The following AGGF1 variants were observed in gnomAD, a reference collection of about 807,000 sequenced individuals.
AGGF1 encodes angiogenic factor with G-patch and FHA domains 1.
Under a neutral mutation model 86.5 loss-of-function variants are expected in AGGF1, and 56 were observed. That is an observed-to-expected ratio of 0.65 (90% CI 0.52 to 0.81). AGGF1 has a LOEUF of 0.81. AGGF1 is among the 30% of genes least tolerant of loss of function. The probability of loss-of-function intolerance (pLI) is 0.00; values close to 1 mark genes in which losing one functional copy is unlikely to be tolerated. For synonymous variants in AGGF1, 313 were observed against 297.1 expected, an observed-to-expected ratio of 1.05 and a Z score of -0.55; for missense variants, 816 against 850.9, an observed-to-expected ratio of 0.96 and a Z score of 0.51.
chr5:77,048,793 A>T, intron 7 of AGGF1, 143 bp from the exon 8 acceptor site: 1 of 787,936 alleles, frequency 1.3e-6, no homozygotes, highest in Non-Finnish European at 2.1e-6. Flanking sequence ...GAGTAGCAGT[A>T]AGGAAACTGG....
At chr5:77,036,826 C>A (rs948993214) in intron 4 of AGGF1, 106 bp downstream of exon 4, 1 of 1,256,100 alleles carries the variant, frequency 8.0e-7, no homozygotes, top group Non-Finnish European at 1.1e-6. Flanking sequence ...CAACTTTCAC[C>A]CCCCAGGTTC....
chr5:77,032,707 T>C (rs1746893946), intron 1 of AGGF1, among the ~76,000 whole-genome samples: 2 of 152,206 alleles, frequency 1.3e-5, no homozygotes, highest in Admixed American at 1.3e-4. Context: ...AAAACGTTTT[T>C]TGCTAATCTT....
intron 5 of AGGF1, among the ~76,000 whole-genome samples, chr5:77,041,718 C>T (rs956533214): frequency 7.3e-5 from 11 of 151,334 alleles, no homozygotes; most frequent in East Asian, 3.9e-4. Flanking sequence ...GGTCCAGCCT[C>T]GCTCCCATAA....
intron 1 of AGGF1, among the ~76,000 whole-genome samples, chr5:77,031,543 A>C (rs1449203742): frequency 6.6e-6 from 1 of 152,232 alleles, no homozygotes; most frequent in East Asian, 1.9e-4. Context: ...GACGTTAAGC[A>C]GCTTATTTCG....
At chr5:77,044,356 T>C (rs1270775602) in intron 5 of AGGF1, among the ~76,000 whole-genome samples, 1 of 152,230 alleles carries the variant, frequency 6.6e-6, no homozygotes, top group Admixed American at 6.5e-5. Flanking sequence ...CTGAGGATTC[T>C]AAAAGGTACC....
chr5:77,060,767 A>G (rs1747548180), intron 12 of AGGF1, among the ~76,000 whole-genome samples: 1 of 152,212 alleles, frequency 6.6e-6, no homozygotes, highest in Non-Finnish European at 1.5e-5. Context: ...TTGATCCATT[A>G]CCAACATTTT....
intron 2 of AGGF1, 88 bp from the exon 3 acceptor site, chr5:77,035,453 G>T: frequency 1.0e-6 from 1 of 957,856 alleles, no homozygotes; most frequent in Admixed American, 2.4e-5. Context: ...TGTGCTTTTT[G>T]TGTTTAAATG....
At chr5:77,041,963 T>C (rs1050944207) in intron 5 of AGGF1, among the ~76,000 whole-genome samples, 2 of 150,770 alleles carry the variant, frequency 1.3e-5, no homozygotes, top group Non-Finnish European at 3.0e-5. Flanking sequence ...CCTGCGGCCT[T>C]CCGCAGTGTT....
chr5:77,041,006 G>C (rs574548952), intron 5 of AGGF1, among the ~76,000 whole-genome samples: 3 of 152,296 alleles, frequency 2.0e-5, no homozygotes, highest in African/African-American at 7.2e-5. Flanking sequence ...GGGATTATAG[G>C]CGTGAGCCAC....
intron 13 of AGGF1, 25 bp downstream of exon 13, chr5:77,061,827 C>G (rs1333704180): frequency 6.3e-7 from 1 of 1,587,114 alleles, no homozygotes. Flanking sequence ...TTCTTTTATT[C>G]ATTTATTCCT....
chr5:77,041,880 T>C (rs1352275166), intron 5 of AGGF1, among the ~76,000 whole-genome samples: 1 of 148,878 alleles, frequency 6.7e-6, no homozygotes, highest in Admixed American at 6.7e-5. Flanking sequence ...GGCAGGGTCA[T>C]GGGACAATAG....
In AGGF1 at chr5:77,065,113, A is replaced by G. The variant is rs902359857; in HGVS notation, c.*1861A>G. 6.6e-6 allele frequency: 1 copy of G among 152,210 alleles called. No individual in the cohort carries two copies. The highest frequency in any genetic ancestry group is 1.5e-5 in the Non-Finnish European group (1 of 68,026). 9.4% of individuals were successfully genotyped at this position (152,210 alleles called of 1,614,324 possible). A position where few individuals can be genotyped will look rare whatever the true frequency, so the allele number is the denominator to read the frequency against. Reference sequence around the variant, plus strand: ...TCATGAATAGCAAATGAGAAAATGTATATAAAAGCACTTTGTAAATTGTAA... The same window carrying G: ...TCATGAATAGCAAATGAGAAAATGTGTATAAAAGCACTTTGTAAATTGTAA... On this transcript the variant is annotated 3_prime_UTR_variant, in exon 14 of 14. Transcript: ENST00000312916.
At chr5:77,060,203 T>C (rs887641032) in intron 12 of AGGF1, among the ~76,000 whole-genome samples, 1 of 152,198 alleles carries the variant, frequency 6.6e-6, no homozygotes, top group Non-Finnish European at 1.5e-5. Context: ...CTATTTATAC[T>C]TTCCACTAAT....
chr5:77,049,238 G>A (rs1284845195), intron 8 of AGGF1, among the ~76,000 whole-genome samples: 1 of 152,154 alleles, frequency 6.6e-6, no homozygotes, highest in Non-Finnish European at 1.5e-5. Context: ...AAGTCTTAAA[G>A]TAGTACCCAC....
chr5:77,062,782 A>T (rs1439477000), intron 13 of AGGF1, among the ~76,000 whole-genome samples: 1 of 152,184 alleles, frequency 6.6e-6, no homozygotes, highest in East Asian at 1.9e-4. Context: ...GCAGCATCTA[A>T]ATGAAATTTG....
chr5:77,036,454 G>T (rs1392118137), intron 3 of AGGF1, 102 bp from the exon 4 acceptor site: 1 of 1,163,036 alleles, frequency 8.6e-7, no homozygotes. Flanking sequence ...TGTAGAAATT[G>T]AAGTCGTTAC....
At chr5:77,035,420 A>G (rs1458184651) in intron 2 of AGGF1, 121 bp from the exon 3 acceptor site, 1 of 765,050 alleles carries the variant, frequency 1.3e-6, no homozygotes, top group Non-Finnish European at 2.2e-6. Flanking sequence ...TACAGTTGTA[A>G]AAATCATGAT....
chr5:77,034,862 A>G (rs185687040), intron 2 of AGGF1, among the ~76,000 whole-genome samples: 1 of 152,338 alleles, frequency 6.6e-6, no homozygotes. Context: ...TCTAATTAGA[A>G]TTATGTATAG....
chr5:77,062,513 G>A (rs1207408842), intron 13 of AGGF1, among the ~76,000 whole-genome samples: 1 of 152,044 alleles, frequency 6.6e-6, no homozygotes. Context: ...GAAAAAATGG[G>A]GATAAGAACT....
Sources: gnomAD v4.1 joint callset for allele counts (sites outside exome capture counted in the v4.1 genomes callset) on GRCh38, gnomAD v4.1.1 for gene constraint, MANE v1.5 for transcripts, NCBI Gene and HGNC (gene_info 2026-07-23, HGNC 2026-07-21) for gene names.